Variants in GNAL observed in about 807,000 individuals in gnomAD.
The protein encoded by GNAL is G protein subunit alpha L, also known as guanine nucleotide-binding protein G(olf) subunit alpha.
In GNAL, 18 loss-of-function variants were observed where a neutral mutation model predicts 55.1. The ratio of observed to expected loss-of-function variants is 0.33; its 90% CI spans 0.23 to 0.48. The LOEUF is 0.48. Ranked by LOEUF, GNAL falls within the 20% of genes least tolerant of loss-of-function variation. GNAL has a pLI of 0.99. For synonymous variants in GNAL, 253 were observed against 237.0 expected, an observed-to-expected ratio of 1.07 and a Z score of -0.62; for missense variants, 412 against 614.1, an observed-to-expected ratio of 0.67 and a Z score of 3.48.
intron 10 of GNAL, among the ~76,000 whole-genome samples, chr18:11,873,030 C>G (rs995210098): frequency 5.3e-5 from 8 of 152,172 alleles, no homozygotes; most frequent in Non-Finnish European, 1.0e-4. Context: ...ACCGTCAGTG[C>G]TAAAGCTGGG....
intron 11 of GNAL, 138 bp downstream of exon 11, chr18:11,876,826 A>AT (rs2036543367): frequency 1.5e-6 from 1 of 668,866 alleles, no homozygotes; most frequent in South Asian, 1.7e-5. Flanking sequence ...TGTTACTTTA[A>AT]TTTCACAGCT....
chr18:11,872,398 G>A lies in GNAL; in HGVS notation c.1162G>A (p.Ala388Thr), dbSNP rs753163815. 33 of 1,541,314 alleles carry A rather than the reference G, an allele frequency of 2.1e-5. No individual in the cohort carries two copies. Among genetic ancestry groups the A allele is most frequent in the African/African-American group, 5.7e-5 (4 of 70,388 alleles). Residue 388 changes from alanine to threonine, a missense_variant and splice_region_variant, in exon 10 of 12, where the codon GCA (alanine) becomes ACA (threonine). Ala to Thr is a moderately conservative substitution (Grantham distance 58). Around this residue, in one of 5 missense-constraint regions of GNAL, gnomAD observed 79 missense variants for 127.1 expected, o/e 0.62. Transcript: ENST00000334049. Reference protein sequence around the residue: ...EYANYTVPEDATPDAGEDPKV... With the variant: ...EYANYTVPEDTTPDAGEDPKV... ...TGCAAATTATACTGTTCCTGAAGAC[G>A]GTAAGATTTCAAAACACATTCTTAT...
intron 1 of GNAL, among the ~76,000 whole-genome samples, chr18:11,697,719 A>T (rs1175194759): frequency 6.6e-6 from 1 of 152,142 alleles, no homozygotes; most frequent in Non-Finnish European, 1.5e-5. Context: ...GGGTGAAGAA[A>T]TGTCACTGAA....
chr18:11,861,690 C>T (rs190945826), intron 5 of GNAL, among the ~76,000 whole-genome samples: 50 of 152,290 alleles, frequency 3.3e-4, no homozygotes, highest in South Asian at 6.2e-4. Flanking sequence ...CCAGCTCCCT[C>T]TCGGAAGGGT....
intron 5 of GNAL, among the ~76,000 whole-genome samples, chr18:11,859,607 C>T (rs1802890767): frequency 6.6e-6 from 1 of 152,338 alleles, no homozygotes; most frequent in East Asian, 1.9e-4. Flanking sequence ...GCCAACTCAC[C>T]AACCTTCTGG....
intron 11 of GNAL, among the ~76,000 whole-genome samples, chr18:11,877,745 C>G (rs2036566853): frequency 6.6e-6 from 1 of 152,204 alleles, no homozygotes; most frequent in African/African-American, 2.4e-5. Flanking sequence ...GGCACTCCAG[C>G]CTGGCCTTTC....
At chr18:11,699,189 A>T (rs1471604934) in intron 1 of GNAL, among the ~76,000 whole-genome samples, 3 of 151,384 alleles carry the variant, frequency 2.0e-5, no homozygotes, top group African/African-American at 7.3e-5. Context: ...TTTATTTTTA[A>T]TTTTATTTAT....
chr18:11,759,371 A>G (rs2033165041), intron 4 of GNAL, among the ~76,000 whole-genome samples: 2 of 152,216 alleles, frequency 1.3e-5, no homozygotes, highest in Non-Finnish European at 2.9e-5. Context: ...TCTAAGGGGA[A>G]GAGGATAAAT....
At chr18:11,822,502 G>A (rs2035125359) in intron 4 of GNAL, among the ~76,000 whole-genome samples, 1 of 152,210 alleles carries the variant, frequency 6.6e-6, no homozygotes, top group African/African-American at 2.4e-5. Flanking sequence ...TACTTGGGAG[G>A]CTGAGGCAGG....
chr18:11,868,492 T>C lies in GNAL; in HGVS notation c.911-51T>C, dbSNP rs2036317161. The C allele has an allele frequency of 2.0e-6, 3 of 1,535,158 alleles. No homozygotes were observed. Among genetic ancestry groups the C allele is most frequent in the Non-Finnish European group, 2.7e-6 (3 of 1,126,920 alleles). On this transcript the variant is annotated intron_variant, in intron 8 of 11. Coordinates refer to ENST00000334049, the MANE Select transcript of GNAL (RefSeq NM_182978.4). This position sits in a 1 kb window ranked among gnomAD's most constrained non-coding sequence, Gnocchi z 4.0. ...TGCTGGGTGTGTACTTTCTTGTAAC[T>C]CCACAGTGAGGATGTCTAACTGAGG... is the stretch of plus-strand genomic sequence containing the variant.
chr18:11,824,880 C>CA (rs200508915), intron 4 of GNAL, 38 bp from the exon 5 acceptor site: 1 of 1,028,264 alleles, frequency 9.7e-7, no homozygotes, highest in Non-Finnish European at 1.5e-6. Flanking sequence ...GGTTATTACA[C>CA]TTTTTTTTTT....
rs1055316751 is a variant in GNAL, at chr18:11,885,243, C to T, written c.*4108C>T. Reference sequence around the variant, plus strand: ...AGCCCATGGCTGAAAGGAGTTAAAACGCCCAGTGGTCATTAAGTGAAACAT... The same window carrying T: ...AGCCCATGGCTGAAAGGAGTTAAAATGCCCAGTGGTCATTAAGTGAAACAT... On this transcript the variant is annotated 3_prime_UTR_variant, in exon 12 of 12. Transcript: ENST00000334049. 1.5e-4 allele frequency: 42 copies of T among 272,866 alleles called. No individual in the cohort carries two copies. The highest frequency in any genetic ancestry group is 1.0e-4 in the Non-Finnish European group (15 of 144,668). 16.9% of individuals were successfully genotyped at this position (272,866 alleles called of 1,614,324 possible). A position where few individuals can be genotyped will look rare whatever the true frequency, so the allele number is the denominator to read the frequency against.
intron 1 of GNAL, among the ~76,000 whole-genome samples, chr18:11,693,630 T>C (rs546810856): frequency 6.6e-6 from 1 of 152,304 alleles, no homozygotes; most frequent in South Asian, 2.1e-4. Flanking sequence ...CAGCCATTTA[T>C]TCTTGCTCAC....
At chr18:11,855,876 G>GTGGGCAGAT in intron 5 of GNAL, among the ~76,000 whole-genome samples, 11 of 151,326 alleles carry the variant, frequency 7.3e-5, no homozygotes, top group African/African-American at 2.7e-4. Flanking sequence ...GGAGGCTGAG[G>GTGGGCAGAT]CAGGAGAATT....
intron 4 of GNAL, among the ~76,000 whole-genome samples, chr18:11,761,581 C>T (rs577656050): frequency 6.6e-6 from 1 of 152,330 alleles, no homozygotes; most frequent in South Asian, 2.1e-4. Flanking sequence ...CTGTGGCTGG[C>T]CTAGTCTCAG....
chr18:11,763,383 A>G (rs2033305768), intron 4 of GNAL, among the ~76,000 whole-genome samples: 1 of 152,138 alleles, frequency 6.6e-6, no homozygotes, highest in African/African-American at 2.4e-5. Flanking sequence ...CAGGTATCAA[A>G]ATTAGGAGAT....
intron 9 of GNAL, among the ~76,000 whole-genome samples, chr18:11,870,871 G>A (rs1299692396): frequency 6.6e-6 from 1 of 152,156 alleles, no homozygotes; most frequent in Non-Finnish European, 1.5e-5. Context: ...CCTCAAATTT[G>A]TGGTAATAAG....
chr18:11,826,955 C>G (rs1258342504), intron 5 of GNAL, among the ~76,000 whole-genome samples: 3 of 152,110 alleles, frequency 2.0e-5, no homozygotes, highest in Admixed American at 2.0e-4. Context: ...GGCTCTGGGC[C>G]TGAGAAAGTT....
At chr18:11,844,128 G>T (rs2035679445) in intron 5 of GNAL, among the ~76,000 whole-genome samples, 1 of 151,308 alleles carries the variant, frequency 6.6e-6, no homozygotes, top group African/African-American at 2.4e-5. Flanking sequence ...GAATTGAAGG[G>T]ATTTTAAATT....
Sources: allele counts gnomAD v4.1 joint callset (sites outside exome capture counted in the v4.1 genomes callset), GRCh38; gene constraint gnomAD v4.1.1; regional missense constraint gnomAD v4.1.1; non-coding constraint Gnocchi (gnomAD v3.1); transcripts MANE v1.5; gene names NCBI Gene and HGNC (gene_info 2026-07-23, HGNC 2026-07-21).